Variants in WDPCP observed in about 807,000 individuals in gnomAD.
WDPCP encodes WD repeat containing planar cell polarity effector.
Under a neutral mutation model 93.1 loss-of-function variants are expected in WDPCP, and 71 were observed. The observed-to-expected ratio is 0.76, with a 90% CI of 0.63 to 0.93. The LOEUF (loss-of-function observed/expected upper bound fraction) is 0.93, where lower values mean the gene tolerates loss of function less well. WDPCP is among the 40% of genes least tolerant of loss of function. The pLI is 0.00. For synonymous variants in WDPCP, 315 were observed against 315.0 expected, an observed-to-expected ratio of 1.00 and a Z score of 0.00; for missense variants, 844 against 887.4, an observed-to-expected ratio of 0.95 and a Z score of 0.62.
At chr2:63,796,074 A>G (rs939625722) in intron 2 of WDPCP, among the ~76,000 whole-genome samples, 2 of 152,182 alleles carry the variant, frequency 1.3e-5, no homozygotes, top group Admixed American at 6.5e-5. Context: ...GATTTCTGGT[A>G]AAGGTTTCTC....
chr2:63,246,614 GC>G (rs1373760236), intron 14 of WDPCP, among the ~76,000 whole-genome samples: 1 of 152,174 alleles, frequency 6.6e-6, no homozygotes, highest in African/African-American at 2.4e-5. Context: ...ATGTGCTGTT[GC>G]CAACACTTTG....
At chr2:63,202,393 C>T (rs560314749) in intron 14 of WDPCP, among the ~76,000 whole-genome samples, 283 of 152,082 alleles carry the variant, frequency 1.9e-3, no homozygotes, top group Non-Finnish European at 3.5e-3. Flanking sequence ...GCCAACTTTT[C>T]CTGAATGTTC....
intron 14 of WDPCP, among the ~76,000 whole-genome samples, chr2:63,194,137 G>T (rs1675242883): frequency 6.6e-6 from 1 of 152,052 alleles, no homozygotes; most frequent in Admixed American, 6.6e-5. Flanking sequence ...CTACCTTCAA[G>T]TTCACTTAGT....
At chr2:63,716,700 T>C (rs1012541880) in intron 2 of WDPCP, among the ~76,000 whole-genome samples, 5 of 152,180 alleles carry the variant, frequency 3.3e-5, no homozygotes, top group Admixed American at 6.5e-5. Context: ...ATGGTATTGA[T>C]GCACTGCCCC....
chr2:63,335,872 G>A (rs769279790), intron 12 of WDPCP, among the ~76,000 whole-genome samples: 3 of 152,176 alleles, frequency 2.0e-5, no homozygotes, highest in Non-Finnish European at 4.4e-5. Context: ...AAAACAGGTT[G>A]CAGTAAAGGA....
intron 3 of WDPCP, among the ~76,000 whole-genome samples, chr2:63,636,301 C>G (rs1021842522): frequency 6.6e-6 from 1 of 152,136 alleles, no homozygotes; most frequent in Non-Finnish European, 1.5e-5. Context: ...AGATTCAATA[C>G]AATCTTTGTC....
At chr2:63,347,348 A>T (rs2104514106) in intron 12 of WDPCP, among the ~76,000 whole-genome samples, 1 of 152,348 alleles carries the variant, frequency 6.6e-6, no homozygotes, top group Non-Finnish European at 1.5e-5. Flanking sequence ...TATTTGGGAC[A>T]TACTTATATG....
At chr2:63,342,277 C>T (rs1306174531) in intron 12 of WDPCP, among the ~76,000 whole-genome samples, 1 of 152,102 alleles carries the variant, frequency 6.6e-6, no homozygotes, top group East Asian at 1.9e-4. Flanking sequence ...GATTGGGGAC[C>T]CTAACCAGGT....
chr2:63,637,952 G>A (rs921691546), intron 3 of WDPCP, among the ~76,000 whole-genome samples: 10 of 150,112 alleles, frequency 6.7e-5, no homozygotes, highest in East Asian at 4.0e-4. Context: ...CTGAAGTCAC[G>A]GAAATCAGTA....
chr2:63,631,335 T>A (rs1709862955), intron 3 of WDPCP, among the ~76,000 whole-genome samples: 1 of 152,002 alleles, frequency 6.6e-6, no homozygotes, highest in South Asian at 2.1e-4. Context: ...GAGAAAATAA[T>A]TTATAGCACT....
intron 12 of WDPCP, among the ~76,000 whole-genome samples, chr2:63,316,679 T>G (rs1306834242): frequency 2.7e-5 from 4 of 150,466 alleles, no homozygotes; most frequent in Non-Finnish European, 4.4e-5. Flanking sequence ...TAAATAAAAA[T>G]AAAAGAAAAA....
rs948495688 is a variant in WDPCP at position 63,598,330 on chromosome 2, T to G, written n.488+52329A>C. ...TTTTAGTAGAGACGGGATTTCACCA[T>G]GTTGGCCAGGCTGGTCTCGAACTCC... On this transcript the variant is annotated intron_variant and non_coding_transcript_variant, in intron 3 of 4. Coordinates refer to the WDPCP transcript ENST00000467687. 6.6e-5 allele frequency: 10 copies of G among 152,174 alleles called. No individual in the cohort carries two copies. The East Asian group carries it at 1.9e-3, about 29-fold the overall frequency. 9.4% of individuals were successfully genotyped at this position (152,174 alleles called of 1,614,324 possible). A position where few individuals can be genotyped will look rare whatever the true frequency, so the allele number is the denominator to read the frequency against.
rs1575147718 is a variant in WDPCP, at chr2:63,326,164, T to C, written c.1749-12853A>G. On this transcript the variant is annotated intron_variant, in intron 12 of 17. Coordinates refer to ENST00000272321, the MANE Select transcript of WDPCP (RefSeq NM_015910.7). The stretch of plus-strand genomic sequence containing the variant: ...CGCCTACTTAGATAACAGGCGCTAC[T>C]CCTTGAGCGACTGGTGCTTCAAATA... Among the ~76,000 whole-genome samples, 3 of 152,334 alleles carry C rather than the reference T, an allele frequency of 2.0e-5. 1 individual carries two copies. The highest frequency in any genetic ancestry group is 7.2e-5 in the African/African-American group (3 of 41,584).
chr2:63,594,525 G>T, intron 3 of WDPCP: 1 of 1,613,912 alleles, frequency 6.2e-7, no homozygotes, highest in South Asian at 1.1e-5. Flanking sequence ...GGAGCAGCTG[G>T]TCAAATTGCA....
At chr2:63,362,674 T>C (rs1397078830) in intron 12 of WDPCP, among the ~76,000 whole-genome samples, 1 of 152,122 alleles carries the variant, frequency 6.6e-6, no homozygotes, top group Non-Finnish European at 1.5e-5. Flanking sequence ...ATCAATTTTC[T>C]TTTCTTAAGA....
At chr2:63,137,778 G>C (rs1028625514) in intron 17 of WDPCP, among the ~76,000 whole-genome samples, 3 of 152,128 alleles carry the variant, frequency 2.0e-5, no homozygotes, top group Non-Finnish European at 4.4e-5. Context: ...CATATAGCTA[G>C]CTACTTATCC....
At chr2:63,312,366 T>C (rs1378031475) in intron 13 of WDPCP, among the ~76,000 whole-genome samples, 1 of 152,194 alleles carries the variant, frequency 6.6e-6, no homozygotes, top group Non-Finnish European at 1.5e-5. Flanking sequence ...CAGAAGTATT[T>C]CTGGCTTTCA....
intron 10 of WDPCP, among the ~76,000 whole-genome samples, chr2:63,397,258 G>A (rs1693807120): frequency 6.6e-6 from 1 of 152,186 alleles, no homozygotes; most frequent in African/African-American, 2.4e-5. Flanking sequence ...CATTAGGAGT[G>A]AGGGAGGATT....
chr2:63,402,118 A>C (rs916507688), intron 10 of WDPCP, among the ~76,000 whole-genome samples: 12 of 152,330 alleles, frequency 7.9e-5, no homozygotes, highest in African/African-American at 2.9e-4. Flanking sequence ...CATATACACC[A>C]TGGAATACTA....
Sources: gnomAD v4.1 joint callset for allele counts (sites outside exome capture counted in the v4.1 genomes callset) on GRCh38, gnomAD v4.1.1 for gene constraint, MANE v1.5 for transcripts, NCBI Gene and HGNC (gene_info 2026-07-23, HGNC 2026-07-21) for gene names.